ENOX2: variants seen among roughly 807,000 people sequenced by gnomAD.
The protein encoded by ENOX2 is APK1 antigen.
A neutral mutation model predicts 45.0 loss-of-function variants in ENOX2; 36 were observed. That is an observed-to-expected ratio of 0.80 (90% CI 0.61 to 1.06). The LOEUF (loss-of-function observed/expected upper bound fraction) is 1.06. Among genes scored for constraint, ENOX2 ranks in the 50% least tolerant of loss-of-function variants. ENOX2 has a pLI of 0.00. For missense variants in ENOX2, 423 were observed against 462.5 expected (o/e 0.91, Z 0.78); for synonymous variants, 174 against 152.3 (o/e 1.14, Z -1.05).
intron 2 of ENOX2, among the ~76,000 whole-genome samples, chrX:130,827,897 A>T (rs1175541648): frequency 8.9e-6 from 1 of 111,938 alleles, no homozygotes; most frequent in African/African-American, 3.2e-5. Flanking sequence ...CTGAAGAGTC[A>T]TAATTCCTCG....
intron 3 of ENOX2, among the ~76,000 whole-genome samples, chrX:130,707,485 A>G (rs1197787826): frequency 5.9e-5 from 6 of 101,983 alleles, no homozygotes; most frequent in African/African-American, 2.1e-4. Context: ...AATCACTGTC[A>G]AAGTTATTTG....
intron 2 of ENOX2, among the ~76,000 whole-genome samples, chrX:130,834,796 G>A (rs998427665): frequency 6.3e-5 from 7 of 111,257 alleles, no homozygotes; most frequent in Admixed American, 4.8e-4. Flanking sequence ...CAAATAAAAT[G>A]TTATAAGAAA....
intron 6 of ENOX2, among the ~76,000 whole-genome samples, chrX:130,672,115 T>C (rs961863517): frequency 4.5e-5 from 5 of 110,713 alleles, no homozygotes; most frequent in Non-Finnish European, 7.6e-5. Flanking sequence ...AGGAGAAACA[T>C]GAAAGATATA....
intron 2 of ENOX2, among the ~76,000 whole-genome samples, chrX:130,853,668 A>G (rs897665756): frequency 5.5e-5 from 6 of 109,717 alleles, no homozygotes; most frequent in Non-Finnish European, 1.1e-4. Flanking sequence ...GTCCCAACCA[A>G]CCTACGGGGG....
At chrX:130,877,639 T>C (rs1192606756) in intron 2 of ENOX2, among the ~76,000 whole-genome samples, 1 of 112,240 alleles carries the variant, frequency 8.9e-6, no homozygotes, top group Non-Finnish European at 1.9e-5. Flanking sequence ...TGGCAGGTGG[T>C]CCATTATGAT....
At chrX:130,773,888 T>C (rs1365336590) in intron 3 of ENOX2, among the ~76,000 whole-genome samples, 2 of 112,211 alleles carry the variant, frequency 1.8e-5, no homozygotes, top group African/African-American at 3.2e-5. Context: ...ATATGGAAGA[T>C]TGGAAAAAAA....
chrX:130,756,379 T>A (rs2039355924), intron 3 of ENOX2, among the ~76,000 whole-genome samples: 1 of 112,204 alleles, frequency 8.9e-6, no homozygotes, highest in Non-Finnish European at 1.9e-5. Context: ...CTGTCTAGGA[T>A]GTCATAGCTT....
chrX:130,778,041 T>C (rs755613392), intron 3 of ENOX2, among the ~76,000 whole-genome samples: 1 of 111,692 alleles, frequency 9.0e-6, no homozygotes, highest in East Asian at 2.8e-4. Context: ...AGATATAAAA[T>C]GGTGGCATTT....
chrX:130,718,326 G>A (rs1202455106), intron 3 of ENOX2, among the ~76,000 whole-genome samples: 4 of 111,969 alleles, frequency 3.6e-5, no homozygotes, highest in Admixed American at 2.9e-4. Context: ...GTGGCAGCAG[G>A]CTACAGAGCA....
At chrX:130,834,385 G>C (rs1372786382) in intron 2 of ENOX2, among the ~76,000 whole-genome samples, 3 of 111,029 alleles carry the variant, frequency 2.7e-5, no homozygotes, top group Non-Finnish European at 3.8e-5. Flanking sequence ...TTCTGGTCTT[G>C]GGCATTTACA....
rs774010746 is a variant in ENOX2 at position 130,819,557 on chromosome X, A to C, written c.-182-35867T>G. On this transcript the variant is annotated intron_variant, in intron 2 of 14. Transcript: ENST00000394363. ...TACTATGCAGCCATAAAAAAGGATG[A>C]GTTCATGTCTTTTGCAGGGACATGG... 2.7e-5 allele frequency among the ~76,000 whole-genome samples: 3 copies of C among 112,321 alleles called. No homozygotes were observed. In the South Asian group the frequency reaches 1.1e-3, roughly 42 times the overall value.
At position 130,622,821 on chromosome X, in the gene ENOX2, T is replaced by C. The variant is rs1377831781; in HGVS notation, c.*2493A>G. Reference sequence around the variant, plus strand: ...ATGCTTATCTATATATAGATATATATGAGAGAGATCTATTTATTTTAAGGA... The same window carrying C: ...ATGCTTATCTATATATAGATATATACGAGAGAGATCTATTTATTTTAAGGA... On this transcript the variant is annotated 3_prime_UTR_variant, in exon 15 of 15. Transcript: ENST00000394363. Among the ~76,000 whole-genome samples, 2 of 111,895 alleles carry C rather than the reference T, an allele frequency of 1.8e-5. No individual in the cohort carries two copies. Among genetic ancestry groups the C allele is most frequent in the Non-Finnish European group, 3.8e-5 (2 of 53,232 alleles).
chrX:130,731,192 G>C (rs1307596427), intron 3 of ENOX2, among the ~76,000 whole-genome samples: 1 of 111,864 alleles, frequency 8.9e-6, no homozygotes, highest in Non-Finnish European at 1.9e-5. Flanking sequence ...GTGCCAAATG[G>C]TAATAATAGT....
At chrX:130,799,908 TC>T (rs1164095579) in intron 2 of ENOX2, among the ~76,000 whole-genome samples, 56 of 109,580 alleles carry the variant, frequency 5.1e-4, no homozygotes, top group African/African-American at 1.8e-3. Context: ...CTGATGCTGC[TC>T]AAAAAAAAAG....
intron 2 of ENOX2, among the ~76,000 whole-genome samples, chrX:130,789,991 T>C (rs1036589145): frequency 8.9e-6 from 1 of 112,890 alleles, no homozygotes; most frequent in Non-Finnish European, 1.9e-5. Context: ...GCAATATTAC[T>C]CTTCAGCCAC....
intron 2 of ENOX2, among the ~76,000 whole-genome samples, chrX:130,790,477 T>G (rs2077027368): frequency 8.9e-6 from 1 of 112,430 alleles, no homozygotes; most frequent in African/African-American, 3.2e-5. Context: ...TGGACATGTG[T>G]TCCCTGAGGA....
chrX:130,773,626 G>A (rs1298725329), intron 3 of ENOX2, among the ~76,000 whole-genome samples: 1 of 111,767 alleles, frequency 8.9e-6, no homozygotes, highest in Non-Finnish European at 1.9e-5. Context: ...GCCACCTGCT[G>A]AAACCTGCCC....
intron 3 of ENOX2, among the ~76,000 whole-genome samples, chrX:130,746,102 T>A (rs1229562301): frequency 8.9e-6 from 1 of 112,086 alleles, no homozygotes; most frequent in Non-Finnish European, 1.9e-5. Context: ...CAAGAAGCCA[T>A]CTATGCTGTA....
chrX:130,645,785 G>A, intron 10 of ENOX2: 4 of 819,215 alleles, frequency 4.9e-6, no homozygotes, highest in Non-Finnish European at 7.2e-6. Context: ...TTCTCGTCCT[G>A]GTCTTTGGGC....
Sources: gnomAD v4.1 joint callset for allele counts (sites outside exome capture counted in the v4.1 genomes callset) on GRCh38, gnomAD v4.1.1 for gene constraint, MANE v1.5 for transcripts, NCBI Gene and HGNC (gene_info 2026-07-23, HGNC 2026-07-21) for gene names.